The following LRRK1 variants were observed in gnomAD, a reference collection of about 807,000 sequenced individuals.
LRRK1 encodes leucine-rich repeat serine/threonine-protein kinase 1.
In LRRK1, 113 loss-of-function variants were observed where a neutral mutation model predicts 209.1. The observed-to-expected ratio is 0.54, with a 90% CI of 0.46 to 0.63. LRRK1 has a LOEUF of 0.63. Ranked by LOEUF, LRRK1 falls within the 30% of genes least tolerant of loss-of-function variation. LRRK1 has a pLI of 0.00. For missense variants in LRRK1, 2,284 were observed against 2,632.2 expected, an observed-to-expected ratio of 0.87 and a Z score of 2.89; for synonymous variants, 1,144 against 1,099.7, an observed-to-expected ratio of 1.04 and a Z score of -0.80.
rs1421320941 is a variant in LRRK1 at position 101,040,933 on chromosome 15, G to A, written c.2964-5048G>A. Among the ~76,000 whole-genome samples, 9 of 152,156 alleles carry A rather than the reference G, an allele frequency of 5.9e-5. No individual in the cohort carries two copies. The South Asian group carries it at 8.3e-4, about 14-fold the overall frequency. On this transcript the variant is annotated intron_variant, in intron 20 of 33. Coordinates refer to ENST00000388948, the MANE Select transcript of LRRK1 (RefSeq NM_024652.6). ...TAATTAGCTCAGAGTGGTAAACAAC[G>A]TGTTCAAATCTTCCGTATTCTCACT...
At position 100,973,707 on chromosome 15, in the gene LRRK1, A is replaced by G. The variant is rs933727902; in HGVS notation, c.98-97A>G. 9 of 1,171,324 alleles carry G rather than the reference A, an allele frequency of 7.7e-6. No individual in the cohort carries two copies. The African/African-American group carries it at 1.4e-4, about 19-fold the overall frequency. The allele number at this position is 1,171,324 out of a possible 1,614,324, so 72.6% of individuals were successfully genotyped here. Reference sequence around the variant, plus strand: ...TTCCTGAAGCCCCCGCGATCGTGCAACGGGCCGCGCCGCCTCCTGCTGTGT... The same window carrying G: ...TTCCTGAAGCCCCCGCGATCGTGCAGCGGGCCGCGCCGCCTCCTGCTGTGT... On this transcript the variant is annotated intron_variant, in intron 2 of 33. Transcript: ENST00000388948.
At position 101,009,031 on chromosome 15, in the gene LRRK1, C is replaced by A. The variant is rs370276250; in HGVS notation, c.957C>A (p.Gly319=). The A allele has an allele frequency of 1.2e-6, 2 of 1,614,148 alleles. No individual in the cohort carries two copies. Among genetic ancestry groups the A allele is most frequent in the Admixed American group, 1.7e-5 (1 of 60,034 alleles). Residue 319 remains glycine, a synonymous_variant, in exon 7 of 34, where the codon GGC becomes GGA. Transcript: ENST00000388948. The part of the protein sequence containing the change: ...LSDNHLGELP[G]VQSSDEIICS... ...ACAACCACCTGGGGGAGCTGCCTGG[C>A]GTGCAGTCATCGGACGAAATCATCT...
In LRRK1 at chr15:100,977,103, C is replaced by T. The variant is rs188012621; in HGVS notation, c.261+3136C>T. Among the ~76,000 whole-genome samples the T allele has an allele frequency of 7.8e-3, 1,184 of 150,828 alleles. 17 individuals carry two copies. The highest frequency in any genetic ancestry group is 0.028 in the African/African-American group (1,136 of 40,966). Reference sequence around the variant, plus strand: ...AGTACTCAAGGAAATCACAATAGTACGTTTTTGGGTTTTATTTGTATCTCA... The same window carrying T: ...AGTACTCAAGGAAATCACAATAGTATGTTTTTGGGTTTTATTTGTATCTCA... On this transcript the variant is annotated intron_variant, in intron 3 of 33. Transcript: ENST00000388948.
intron 6 of LRRK1, among the ~76,000 whole-genome samples, chr15:100,995,533 T>C (rs949777807): frequency 2.0e-5 from 3 of 152,202 alleles, no homozygotes; most frequent in African/African-American, 7.2e-5. Flanking sequence ...AGTGCTCCTC[T>C]TAAAGCTGCT....
intron 6 of LRRK1, among the ~76,000 whole-genome samples, chr15:100,996,652 T>G (rs750514414): frequency 1.3e-5 from 2 of 152,246 alleles, no homozygotes; most frequent in Non-Finnish European, 2.9e-5. Context: ...GCTATCCATG[T>G]GCATGTTAGT....
chr15:101,002,878 G>A (rs369158959), intron 6 of LRRK1, among the ~76,000 whole-genome samples: 1 of 152,138 alleles, frequency 6.6e-6, no homozygotes, highest in African/African-American at 2.4e-5. Flanking sequence ...CTACAGGTGT[G>A]CACCACCACA....
At chr15:101,067,362 G>T in intron 33 of LRRK1, 1 of 444,954 alleles carries the variant, frequency 2.2e-6, no homozygotes. Context: ...TTTACACCCC[G>T]CACTTTGACT....
In LRRK1 at chr15:101,077,907, T is replaced by G. The variant is rs1329240451; in HGVS notation, c.*9059T>G. 6.6e-6 allele frequency: 1 copy of G among 152,314 alleles called. No homozygotes were observed. The highest frequency in any genetic ancestry group is 1.5e-5 in the Non-Finnish European group (1 of 68,108). 9.4% of individuals were successfully genotyped at this position (152,314 alleles called of 1,614,324 possible). A position where few individuals can be genotyped will look rare whatever the true frequency, so the allele number is the denominator to read the frequency against. ...ACCTGCACGCATATATAAGCCCAGA[T>G]GGCCTGAAGTAACTGAAGAATCACA... On this transcript the variant is annotated 3_prime_UTR_variant, in exon 34 of 34. Transcript: ENST00000388948.
chr15:101,020,201 T>A (rs2033712849), intron 12 of LRRK1, among the ~76,000 whole-genome samples: 1 of 152,146 alleles, frequency 6.6e-6, no homozygotes. Context: ...GTTCAGTGCA[T>A]CTCTGGTAAC....
Position 101,027,733 on chromosome 15 carries a change from G to T in LRRK1, c.2622G>T (p.Gln874His). The change falls in exon 19 of 34, where the codon CAG becomes CAT. Residue 874 changes from glutamine to histidine, a missense_variant. Transcript: ENST00000388948. This position sits in a 1 kb window ranked among gnomAD's most constrained non-coding sequence, Gnocchi z 5.1. ...DDDVQYLTDR[Q>H]LEQLVEQTPD... Reference sequence around the variant, plus strand: ...ACGTGCAGTACCTGACGGACAGGCAGCTGGAGCAGCTGGTGGAGCAGACGC... The same window carrying T: ...ACGTGCAGTACCTGACGGACAGGCATCTGGAGCAGCTGGTGGAGCAGACGC... The T allele has an allele frequency of 1.9e-6, 3 of 1,609,250 alleles. No homozygotes were observed. The highest frequency in any genetic ancestry group is 2.5e-6 in the Non-Finnish European group (3 of 1,178,168).
chr15:100,955,189 G>A lies in LRRK1; in HGVS notation c.98-18615G>A, dbSNP rs146666016. Among the ~76,000 whole-genome samples, 10 of 152,150 alleles carry A rather than the reference G, an allele frequency of 6.6e-5. No homozygotes were observed. In the East Asian group the frequency reaches 1.9e-3, roughly 29 times the overall value. ...GTCTTTTTCAATTTCTTTCATCAATGTCTTATAGTTTTTAGTGTATAGATC... is the reference window on the plus strand; with the variant it reads ...GTCTTTTTCAATTTCTTTCATCAATATCTTATAGTTTTTAGTGTATAGATC... On this transcript the variant is annotated intron_variant, in intron 2 of 33. Coordinates refer to ENST00000388948, the MANE Select transcript of LRRK1 (RefSeq NM_024652.6).
chr15:101,001,585 A>C (rs1442870437), intron 6 of LRRK1, among the ~76,000 whole-genome samples: 1 of 152,158 alleles, frequency 6.6e-6, no homozygotes, highest in Non-Finnish European at 1.5e-5. Flanking sequence ...AGGAGGAGGC[A>C]CCGTCCCAGG....
intron 6 of LRRK1, among the ~76,000 whole-genome samples, 188 bp from the exon 7 acceptor site, chr15:101,008,649 A>AG (rs1021833380): frequency 6.6e-6 from 1 of 152,202 alleles, no homozygotes; most frequent in Non-Finnish European, 1.5e-5. Flanking sequence ...CGATGGGAAC[A>AG]GGTAGCTCTT....
rs547256891 is a variant in LRRK1, at chr15:101,052,956, G to A, written c.3724G>A (p.Glu1242Lys). ...FLENSKLEHSEDEGSVLGQGG... is the reference protein window; with the variant it reads ...FLENSKLEHSKDEGSVLGQGG... ...GGAGAACAGCAAGCTGGAGCACAGC[G>A]AGGACGAGGGCAGCGTCCTGGGCCA... The change falls in exon 25 of 34, where the codon GAG becomes AAG. Residue 1242 changes from glutamate (E) to lysine (K), a missense_variant. Glu to Lys is a moderately conservative substitution (Grantham distance 56). Coordinates refer to ENST00000388948, the MANE Select transcript of LRRK1 (RefSeq NM_024652.6). 1.9e-5 allele frequency: 30 copies of A among 1,611,328 alleles called. No individual in the cohort carries two copies. Among genetic ancestry groups the A allele is most frequent in the African/African-American group, 5.3e-5 (4 of 75,026 alleles).
chr15:101,055,759 T>C (rs1351998611), intron 27 of LRRK1, among the ~76,000 whole-genome samples: 1 of 152,238 alleles, frequency 6.6e-6, no homozygotes, highest in Non-Finnish European at 1.5e-5. Flanking sequence ...ATGTTGATCT[T>C]CTGATAACAT....
At chr15:101,013,052 G>A (rs189902721) in intron 10 of LRRK1, among the ~76,000 whole-genome samples, 318 of 152,256 alleles carry the variant, frequency 2.1e-3, no homozygotes, top group African/African-American at 7.4e-3. Context: ...CCAAAGCCCA[G>A]AAGCAGCAAA....
chr15:101,053,418 G>A lies in LRRK1; in HGVS notation c.4052G>A (p.Arg1351Lys). Residue 1351 changes from arginine to lysine, a missense_variant and splice_region_variant, in exon 26 of 34, where the codon AGA (arginine) becomes AAA (lysine). Physicochemically the swap from Arg to Lys is conservative, Grantham distance 26. Coordinates refer to ENST00000388948, the MANE Select transcript of LRRK1 (RefSeq NM_024652.6). ...AACACCGTGCTGTCCGAGAACGCCA[G>A]AGGTACCGCGGCGCGCCGCCCCACC... ...SLNTVLSENARDSSFIPLGHM... is the reference protein window; with the variant it reads ...SLNTVLSENAKDSSFIPLGHM... The A allele has an allele frequency of 6.3e-7, 1 of 1,584,014 alleles. No homozygotes were observed. Among genetic ancestry groups the A allele is most frequent in the Non-Finnish European group, 8.5e-7 (1 of 1,171,340 alleles).
chr15:101,026,489 G>A (rs924393162), intron 17 of LRRK1, among the ~76,000 whole-genome samples: 2 of 152,256 alleles, frequency 1.3e-5, no homozygotes, highest in Non-Finnish European at 2.9e-5. Flanking sequence ...GACAGACCCT[G>A]GGGAGGGAGG....
In LRRK1 at chr15:100,924,671, G is replaced by A. The variant is rs759385351; in HGVS notation, c.39G>A (p.Trp13Ter). The A allele has an allele frequency of 3.1e-6, 5 of 1,614,088 alleles. No homozygotes were observed. In the East Asian group the frequency reaches 1.1e-4, roughly 36 times the overall value. ...GMSQRPPSMY[W>*]CVGPEESAVC... ...CGCAAAGACCCCCCAGCATGTACTG[G>A]TGTGTGGGGCCGGAGGAGTCAGCTG... The change falls in exon 2 of 34, where the codon TGG (tryptophan) becomes TGA (stop). Residue 13 changes from tryptophan to a stop codon, truncating the protein, a stop_gained. Coordinates refer to ENST00000388948, the MANE Select transcript of LRRK1 (RefSeq NM_024652.6). LOFTEE classifies it high-confidence loss of function.
Sources: allele counts gnomAD v4.1 joint callset (sites outside exome capture counted in the v4.1 genomes callset), GRCh38; gene constraint gnomAD v4.1.1; non-coding constraint Gnocchi (gnomAD v3.1); transcripts MANE v1.5; gene names NCBI Gene and HGNC (gene_info 2026-07-23, HGNC 2026-07-21).